The following PCDH15 variants were observed in gnomAD, a reference collection of about 807,000 sequenced individuals.
PCDH15 encodes protocadherin-15.
Under a neutral mutation model 178.5 loss-of-function variants are expected in PCDH15, and 129 were observed. The ratio of observed to expected loss-of-function variants is 0.72; its 90% CI spans 0.63 to 0.84. PCDH15 has a LOEUF of 0.84. Ranked by LOEUF, PCDH15 falls within the 40% of genes least tolerant of loss-of-function variation. PCDH15 has a pLI of 0.00. For synonymous variants in PCDH15, 800 were observed against 732.0 expected (o/e 1.09, Z -1.50); for missense variants, 2,230 against 2,099.9 (o/e 1.06, Z -1.21).
chr10:54,254,200 C>T (rs2056728201), intron 8 of PCDH15, among the ~76,000 whole-genome samples: 1 of 152,054 alleles, frequency 6.6e-6, no homozygotes. Flanking sequence ...GACCTACTGT[C>T]TCACCCCGTG....
intron 29 of PCDH15, 66 bp from the exon 30 acceptor site, chr10:53,831,599 T>C: frequency 1.7e-6 from 2 of 1,201,336 alleles, no homozygotes; most frequent in Non-Finnish European, 2.4e-6. Context: ...AAAAATAAAA[T>C]CTTTTTGTAA....
chr10:54,021,327 A>G (rs2092913987), intron 19 of PCDH15, among the ~76,000 whole-genome samples: 2 of 151,970 alleles, frequency 1.3e-5, no homozygotes, highest in South Asian at 4.1e-4. Context: ...AAATGCAAAC[A>G]CCTCCTATGG....
At chr10:54,560,575 A>C (rs2133355679) in intron 2 of PCDH15, among the ~76,000 whole-genome samples, 1 of 152,150 alleles carries the variant, frequency 6.6e-6, no homozygotes. Context: ...CACTTTTGTT[A>C]AAAGCTTAAA....
In PCDH15 at chr10:54,152,845, T is replaced by C. The variant is rs148754489; in HGVS notation, c.1784+255A>G. Among the ~76,000 whole-genome samples the C allele has an allele frequency of 2.8e-4, 42 of 152,248 alleles. 1 individual carries two copies. The highest frequency in any genetic ancestry group is 7.9e-4 in the Admixed American group (12 of 15,274). On this transcript the variant is annotated intron_variant, in intron 14 of 37. Transcript: ENST00000644397. ...CCACTGACACATCTGTTAATTTCTT[T>C]GAAGAAAAGAGCCTTTCTCTGTCTG...
intron 2 of PCDH15, among the ~76,000 whole-genome samples, chr10:55,470,915 A>C (rs995974995): frequency 2.0e-5 from 3 of 151,832 alleles, no homozygotes; most frequent in African/African-American, 7.3e-5. Context: ...ATCTTAGAAT[A>C]TGTAGCTTTC....
intron 3 of PCDH15, among the ~76,000 whole-genome samples, chr10:54,425,255 G>T (rs1258201176): frequency 2.0e-5 from 3 of 152,076 alleles, no homozygotes. Context: ...CTCATGAGTG[G>T]ATTAATCCAT....
chr10:54,177,374 A>C (rs1039436828), intron 13 of PCDH15, among the ~76,000 whole-genome samples: 11 of 152,116 alleles, frequency 7.2e-5, no homozygotes, highest in African/African-American at 2.7e-4. Flanking sequence ...CATTAGTACA[A>C]AACCATAAAA....
At position 54,124,965 on chromosome 10, in the gene PCDH15, C is replaced by A. The variant is rs140602107; in HGVS notation, c.1917+7910G>T. Among the ~76,000 whole-genome samples the A allele has an allele frequency of 7.0e-3, 1,064 of 152,292 alleles. 9 individuals carry two copies. The highest frequency in any genetic ancestry group is 0.024 in the African/African-American group (985 of 41,554). On this transcript the variant is annotated intron_variant, in intron 15 of 37. Coordinates refer to ENST00000644397, the MANE Select transcript of PCDH15 (RefSeq NM_001384140.1). Reference sequence around the variant, plus strand: ...GATCAATTCTGTAGTGAGATCAAGGCAGCAGAAATTTTTCCTCAGGGCTAA... The same window carrying A: ...GATCAATTCTGTAGTGAGATCAAGGAAGCAGAAATTTTTCCTCAGGGCTAA...
chr10:55,609,004 T>TTA lies in PCDH15; in HGVS notation c.-156+18619_-156+18620dup, dbSNP rs35075380. ...TTGTCTATGGGACTATACATATATG[T>TTA]TATATATATATACACACACACACAC... On this transcript the variant is annotated intron_variant, in intron 2 of 5. Coordinates refer to the PCDH15 transcript ENST00000613346. 1.0e-4 allele frequency among the ~76,000 whole-genome samples: 15 copies of TTA among 147,988 alleles called. 1 individual carries two copies. Among genetic ancestry groups the TTA allele is most frequent in the Middle Eastern group, 6.4e-3 (2 of 312 alleles).
chr10:54,666,618 C>T (rs4935534), intron 1 of PCDH15, among the ~76,000 whole-genome samples: 55,263 of 151,590 alleles, frequency 0.36, 10,663 homozygotes, highest in African/African-American at 0.5. Flanking sequence ...AGAAATAAAA[C>T]AATGTTATTT....
intron 21 of PCDH15, among the ~76,000 whole-genome samples, chr10:53,983,105 A>G (rs1022396319): frequency 2.0e-5 from 3 of 152,016 alleles, no homozygotes; most frequent in Non-Finnish European, 4.4e-5. Context: ...TCTTTTTCCC[A>G]AAGTCTTTGA....
intron 1 of PCDH15, among the ~76,000 whole-genome samples, chr10:54,679,301 T>G (rs556578331): frequency 5.3e-5 from 8 of 152,134 alleles, no homozygotes; most frequent in African/African-American, 1.9e-4. Flanking sequence ...GATTGGTGTA[T>G]TGAAGAGAAA....
At chr10:55,537,435 G>GTATGTATT (rs1554794066) in intron 2 of PCDH15, among the ~76,000 whole-genome samples, 10 of 147,992 alleles carry the variant, frequency 6.8e-5, no homozygotes, top group East Asian at 1.9e-4. Flanking sequence ...ATGTATGTAT[G>GTATGTATT]TATTTATTTA....
intron 1 of PCDH15, among the ~76,000 whole-genome samples, chr10:54,787,762 A>G (rs1042952731): frequency 6.6e-6 from 1 of 151,964 alleles, no homozygotes; most frequent in Non-Finnish European, 1.5e-5. Context: ...TCAACTAGCA[A>G]AGCCAATGGA....
In PCDH15 at chr10:54,213,831, C is replaced by T. The variant is rs969269618; in HGVS notation, c.1098+105G>A. The T allele has an allele frequency of 6.6e-5, 49 of 740,462 alleles. No individual in the cohort carries two copies. The African/African-American group carries it at 8.2e-4, about 12-fold the overall frequency. 45.9% of individuals were successfully genotyped at this position (740,462 alleles called of 1,614,324 possible). On this transcript the variant is annotated intron_variant, in intron 10 of 37. Transcript: ENST00000644397. Reference sequence around the variant, plus strand: ...CAAAAAATTGACTGACTGCTGTCCACATTAATTTTAATTTTATAACATAAA... The same window carrying T: ...CAAAAAATTGACTGACTGCTGTCCATATTAATTTTAATTTTATAACATAAA...
intron 3 of PCDH15, among the ~76,000 whole-genome samples, chr10:54,393,668 C>T (rs1589189055): frequency 1.3e-5 from 2 of 152,212 alleles, no homozygotes; most frequent in East Asian, 1.9e-4. Flanking sequence ...TGTATTTTAT[C>T]TTAACAAGAA....
intron 8 of PCDH15, among the ~76,000 whole-genome samples, chr10:54,251,155 C>T (rs1367197461): frequency 1.3e-5 from 2 of 152,080 alleles, no homozygotes; most frequent in Admixed American, 1.3e-4. Flanking sequence ...CTTTTTCTTT[C>T]AATGCACTGC....
intron 3 of PCDH15, among the ~76,000 whole-genome samples, chr10:54,424,973 C>G (rs1372427554): frequency 6.9e-6 from 1 of 144,626 alleles, no homozygotes; most frequent in South Asian, 2.2e-4. Flanking sequence ...CAAACCGGCA[C>G]GTTGTGCACA....
chr10:54,480,230 G>C (rs1003011891), intron 3 of PCDH15, among the ~76,000 whole-genome samples: 2 of 152,016 alleles, frequency 1.3e-5, no homozygotes, highest in African/African-American at 4.8e-5. Context: ...ATACTTATTT[G>C]TGTAATGAGC....
Sources: gnomAD v4.1 joint callset for allele counts (sites outside exome capture counted in the v4.1 genomes callset) on GRCh38, gnomAD v4.1.1 for gene constraint, MANE v1.5 for transcripts, NCBI Gene and HGNC (gene_info 2026-07-23, HGNC 2026-07-21) for gene names.